PKP4: variants seen among roughly 807,000 people sequenced by gnomAD.
PKP4 encodes plakophilin 4, also known as plakophilin-4.
Under a neutral mutation model 145.1 loss-of-function variants are expected in PKP4, and 90 were observed. The observed-to-expected ratio is 0.62, with a 90% confidence interval of 0.52 to 0.74. PKP4 has a LOEUF of 0.74. PKP4 is among the 30% of genes least tolerant of loss of function. PKP4 has a pLI of 0.00. For missense variants in PKP4, 1,340 were observed against 1,482.7 expected (o/e 0.90, Z 1.58); for synonymous variants, 563 against 577.2 (o/e 0.98, Z 0.35).
chr2:158,529,072 C>T (rs957364024), intron 1 of PKP4, among the ~76,000 whole-genome samples: 5 of 152,182 alleles, frequency 3.3e-5, no homozygotes, highest in Admixed American at 2.0e-4. Context: ...ATCATCGAGA[C>T]TCTGATTAAA....
intron 11 of PKP4, among the ~76,000 whole-genome samples, chr2:158,656,636 T>C (rs1020896291): frequency 2.6e-5 from 4 of 152,042 alleles, no homozygotes; most frequent in Non-Finnish European, 5.9e-5. Context: ...AGAGGAGAGT[T>C]GTGGGCACAG....
In PKP4 at chr2:158,547,284, G is replaced by A. The variant is rs150912723; in HGVS notation, c.132+13968G>A. Among the ~76,000 whole-genome samples, 1,344 of 152,238 alleles carry A rather than the reference G, an allele frequency of 8.8e-3. 19 individuals carry two copies. Among genetic ancestry groups the A allele is most frequent in the African/African-American group, 0.03 (1,235 of 41,534 alleles). On this transcript the variant is annotated intron_variant, in intron 2 of 21. Transcript: ENST00000389759. ...CAAACTAGAAACCACTTAATTATCT[G>A]TCACTGGGTGAATTAATAAATTATA...
At chr2:158,617,120 T>G (rs1212504870) in intron 4 of PKP4, among the ~76,000 whole-genome samples, 1 of 152,214 alleles carries the variant, frequency 6.6e-6, no homozygotes, top group Non-Finnish European at 1.5e-5. Context: ...TTTTAAATAT[T>G]AGAGCACTCA....
chr2:158,487,860 G>GT (rs1694397492), intron 1 of PKP4, among the ~76,000 whole-genome samples: 1 of 152,002 alleles, frequency 6.6e-6, no homozygotes, highest in South Asian at 2.1e-4. Context: ...AAGGGAATGT[G>GT]TTTTTTAAGA....
At chr2:158,472,000 C>T (rs1021920192) in intron 1 of PKP4, among the ~76,000 whole-genome samples, 1 of 152,090 alleles carries the variant, frequency 6.6e-6, no homozygotes, top group Non-Finnish European at 1.5e-5. Flanking sequence ...ATCTAGGAAG[C>T]TTAGCACAGA....
chr2:158,537,083 T>G (rs1290245622), intron 2 of PKP4, among the ~76,000 whole-genome samples: 1 of 152,224 alleles, frequency 6.6e-6, no homozygotes, highest in Non-Finnish European at 1.5e-5. Context: ...TCGATTACTT[T>G]GTCACCAACT....
Position 158,657,990 on chromosome 2 carries a change from A to T in PKP4, c.1910-141A>T, listed in dbSNP as rs566596158. 3 of 616,854 alleles carry T rather than the reference A, an allele frequency of 4.9e-6. No homozygotes were observed. In the African/African-American group the frequency reaches 5.6e-5, roughly 12 times the overall value. The allele number at this position is 616,854 out of a possible 1,614,324, so 38.2% of individuals were successfully genotyped here. On this transcript the variant is annotated intron_variant, in intron 11 of 21. Transcript: ENST00000389759. ...TTCACTCAAAACTCATTAGAGGTCT[A>T]TTCCCACCCTGGTTGCAAATATAGG...
At chr2:158,642,417 C>T (rs999474323) in intron 10 of PKP4, 69 bp from the exon 11 acceptor site, 22 of 1,149,990 alleles carry the variant, frequency 1.9e-5, no homozygotes, top group East Asian at 7.1e-5. Context: ...CTCTCCATAA[C>T]GGACTTCTGT....
At chr2:158,468,568 T>C (rs1385626501) in intron 1 of PKP4, among the ~76,000 whole-genome samples, 1 of 152,018 alleles carries the variant, frequency 6.6e-6, no homozygotes, top group Admixed American at 6.5e-5. Flanking sequence ...TGATCATAGG[T>C]AATATTCTTG....
At chr2:158,492,248 A>G (rs1695049023) in intron 1 of PKP4, among the ~76,000 whole-genome samples, 1 of 152,166 alleles carries the variant, frequency 6.6e-6, no homozygotes, top group Admixed American at 6.5e-5. Context: ...ATCACAGGGA[A>G]TAGGAAACTC....
intron 1 of PKP4, among the ~76,000 whole-genome samples, chr2:158,529,033 A>G (rs1006016337): frequency 6.6e-6 from 1 of 152,206 alleles, no homozygotes; most frequent in Non-Finnish European, 1.5e-5. Flanking sequence ...ACAGTGCAGC[A>G]TCTCTTCTAC....
chr2:158,532,222 A>G (rs1256524009), intron 1 of PKP4, among the ~76,000 whole-genome samples: 2 of 152,214 alleles, frequency 1.3e-5, no homozygotes, highest in Non-Finnish European at 2.9e-5. Context: ...GTTGAGAAAA[A>G]TATTTATAGT....
chr2:158,605,364 T>G (rs2050571961), intron 4 of PKP4, among the ~76,000 whole-genome samples: 1 of 152,226 alleles, frequency 6.6e-6, no homozygotes, highest in African/African-American at 2.4e-5. Context: ...GAGGTGAATA[T>G]TTTCATTTAG....
At chr2:158,628,084 G>A (rs778296869) in intron 7 of PKP4, among the ~76,000 whole-genome samples, 2 of 151,862 alleles carry the variant, frequency 1.3e-5, no homozygotes, top group Admixed American at 6.6e-5. Context: ...GGGTTCAAGC[G>A]ATTCTTCTGC....
At chr2:158,675,163 C>A (rs773618478) in intron 19 of PKP4, among the ~76,000 whole-genome samples, 4 of 152,112 alleles carry the variant, frequency 2.6e-5, no homozygotes, top group Non-Finnish European at 4.4e-5. Flanking sequence ...AGATGTGTGG[C>A]TCTATAACAA....
At chr2:158,587,008 T>C (rs981312839) in intron 3 of PKP4, among the ~76,000 whole-genome samples, 1 of 152,196 alleles carries the variant, frequency 6.6e-6, no homozygotes, top group Non-Finnish European at 1.5e-5. Context: ...AGTAATAGAA[T>C]CTTTTTTGAA....
chr2:158,665,588 T>G (rs1212034896), intron 15 of PKP4, among the ~76,000 whole-genome samples: 1 of 152,204 alleles, frequency 6.6e-6, no homozygotes, highest in Non-Finnish European at 1.5e-5. Context: ...ATTTGAAAGA[T>G]GATTTGCATT....
intron 1 of PKP4, among the ~76,000 whole-genome samples, chr2:158,516,968 C>A (rs1412478750): frequency 6.6e-6 from 1 of 152,138 alleles, no homozygotes; most frequent in Non-Finnish European, 1.5e-5. Flanking sequence ...GCCTACTTTT[C>A]TTATTTTTTA....
At chr2:158,554,018 T>C (rs1444215441) in intron 2 of PKP4, among the ~76,000 whole-genome samples, 2 of 150,136 alleles carry the variant, frequency 1.3e-5, no homozygotes, top group Admixed American at 1.3e-4. Context: ...CATGAATTTA[T>C]TTCTTTAACA....
Sources: gnomAD v4.1 joint callset for allele counts (sites outside exome capture counted in the v4.1 genomes callset) on GRCh38, gnomAD v4.1.1 for gene constraint, MANE v1.5 for transcripts, NCBI Gene and HGNC (gene_info 2026-07-23, HGNC 2026-07-21) for gene names.